COMMD10: variants seen among roughly 807,000 people sequenced by gnomAD.
The protein encoded by COMMD10 is COMM domain-containing protein 10.
A neutral mutation model predicts 28.9 loss-of-function variants in COMMD10; 33 were observed. The observed-to-expected ratio is 1.14, with a 90% CI of 0.87 to 1.53. The LOEUF is 1.53. Ranked by LOEUF, COMMD10 falls within the 40% of genes most tolerant of loss-of-function variation. COMMD10 has a pLI of 0.00. For synonymous variants in COMMD10, 110 were observed against 81.7 expected (o/e 1.35, Z -1.87); for missense variants, 310 against 233.4 (o/e 1.33, Z -2.14).
At chr5:116,113,316 A>C (rs1226078745) in intron 4 of COMMD10, among the ~76,000 whole-genome samples, 1 of 140,600 alleles carries the variant, frequency 7.1e-6, no homozygotes, top group East Asian at 2.0e-4. Context: ...ATTTGCCTGC[A>C]GATCATGGAG....
At chr5:116,245,214 A>G (rs1749910767) in intron 5 of COMMD10, among the ~76,000 whole-genome samples, 1 of 152,142 alleles carries the variant, frequency 6.6e-6, no homozygotes, top group African/African-American at 2.4e-5. Context: ...GATATTATGA[A>G]TACTTCCGTG....
chr5:116,147,632 C>A (rs554984694), intron 5 of COMMD10, among the ~76,000 whole-genome samples: 14 of 151,782 alleles, frequency 9.2e-5, no homozygotes, highest in African/African-American at 3.4e-4. Context: ...ACATGTATTT[C>A]ACAAATGACA....
At chr5:116,139,344 ATAT>A (rs988180315) in intron 5 of COMMD10, among the ~76,000 whole-genome samples, 1 of 148,392 alleles carries the variant, frequency 6.7e-6, no homozygotes, top group African/African-American at 2.5e-5. Context: ...TTATTAACAA[ATAT>A]TATTGTAAGG....
intron 4 of COMMD10, among the ~76,000 whole-genome samples, chr5:116,100,025 C>T (rs140241321): frequency 7.9e-5 from 12 of 152,138 alleles, no homozygotes; most frequent in African/African-American, 2.7e-4. Context: ...TTCAAATACA[C>T]CTTATATACA....
intron 5 of COMMD10, among the ~76,000 whole-genome samples, chr5:116,273,824 T>C (rs975771883): frequency 1.3e-5 from 2 of 151,760 alleles, no homozygotes; most frequent in Non-Finnish European, 1.5e-5. Context: ...CATTAAAATA[T>C]AATACTTGGA....
At chr5:116,148,033 T>G (rs1752400493) in intron 5 of COMMD10, among the ~76,000 whole-genome samples, 1 of 151,806 alleles carries the variant, frequency 6.6e-6, no homozygotes, top group African/African-American at 2.4e-5. Flanking sequence ...TTCTTATTTC[T>G]TTTTTTGGTA....
At chr5:116,206,259 T>G (rs1444936336) in intron 5 of COMMD10, among the ~76,000 whole-genome samples, 1 of 152,196 alleles carries the variant, frequency 6.6e-6, no homozygotes, top group East Asian at 1.9e-4. Context: ...TTCCATTGAG[T>G]AGCCTTAGAG....
At chr5:116,272,495 C>G (rs1750786302) in intron 5 of COMMD10, among the ~76,000 whole-genome samples, 2 of 151,770 alleles carry the variant, frequency 1.3e-5, no homozygotes, top group African/African-American at 4.9e-5. Context: ...TCTTTGGCCT[C>G]CCAGAAAGTC....
intron 5 of COMMD10, among the ~76,000 whole-genome samples, chr5:116,153,469 TGCAGA>T (rs1236492514): frequency 1.3e-5 from 2 of 152,110 alleles, no homozygotes; most frequent in African/African-American, 4.8e-5. Context: ...TCTTGATAGC[TGCAGA>T]GCACACAGTA....
intron 4 of COMMD10, among the ~76,000 whole-genome samples, chr5:116,119,544 C>T (rs73271262): frequency 0.09 from 13,674 of 151,778 alleles, 1,259 homozygotes; most frequent in African/African-American, 0.23. Flanking sequence ...ATATTCACTT[C>T]TGTGTTTTAT....
intron 5 of COMMD10, among the ~76,000 whole-genome samples, chr5:116,188,931 A>G (rs1002824712): frequency 6.6e-6 from 1 of 152,188 alleles, no homozygotes; most frequent in Non-Finnish European, 1.5e-5. Flanking sequence ...CACCCAGCCC[A>G]TATGTTTGTT....
intron 5 of COMMD10, among the ~76,000 whole-genome samples, chr5:116,208,969 A>AT (rs1278324955): frequency 6.6e-6 from 1 of 151,880 alleles, no homozygotes; most frequent in African/African-American, 2.4e-5. Context: ...GTGAATGGTG[A>AT]TTTTCTAAAT....
At chr5:116,258,268 C>T (rs902916867) in intron 5 of COMMD10, among the ~76,000 whole-genome samples, 5 of 151,642 alleles carry the variant, frequency 3.3e-5, no homozygotes, top group East Asian at 1.9e-4. Context: ...TCTATTCCTC[C>T]CCTAGATAAG....
intron 5 of COMMD10, among the ~76,000 whole-genome samples, chr5:116,217,212 C>G (rs1401711914): frequency 5.3e-5 from 8 of 149,782 alleles, no homozygotes; most frequent in African/African-American, 2.0e-4. Context: ...TTTTTCCAAG[C>G]CAAACTGTAT....
At chr5:116,153,702 A>G (rs73780856) in intron 5 of COMMD10, among the ~76,000 whole-genome samples, 3,368 of 152,080 alleles carry the variant, frequency 0.022, 138 homozygotes, top group African/African-American at 0.077. Context: ...CTTTGCTTCT[A>G]TAGTGATTGG....
chr5:116,248,371 T>G (rs1020580115), intron 5 of COMMD10, among the ~76,000 whole-genome samples: 1 of 120,540 alleles, frequency 8.3e-6, no homozygotes, highest in African/African-American at 2.5e-5. Flanking sequence ...AAGTATAATA[T>G]TAAGAGTTAG....
chr5:116,099,257 A>G lies in COMMD10; in HGVS notation c.399+6557A>G, dbSNP rs188315328. 1.3e-3 allele frequency among the ~76,000 whole-genome samples: 194 copies of G among 152,318 alleles called. 2 individuals carry two copies. The highest frequency in any genetic ancestry group is 1.7e-3 in the Non-Finnish European group (117 of 68,022). On this transcript the variant is annotated intron_variant, in intron 4 of 6. Transcript: ENST00000274458. ...CTGTGCCTGGCTTATTTCACTTAGC[A>G]TAACACCCTCCAGGTTCATCCATTT... is the stretch of plus-strand genomic sequence containing the variant.
At chr5:116,187,584 C>T (rs57609580) in intron 5 of COMMD10, among the ~76,000 whole-genome samples, 1 of 151,786 alleles carries the variant, frequency 6.6e-6, no homozygotes, top group Non-Finnish European at 1.5e-5. Flanking sequence ...ATGATCTCTA[C>T]ATTACTTCAT....
At chr5:116,158,533 A>G (rs1198860478) in intron 5 of COMMD10, among the ~76,000 whole-genome samples, 2 of 102,008 alleles carry the variant, frequency 2.0e-5, no homozygotes, top group Non-Finnish European at 4.0e-5. Flanking sequence ...CTGAAGTGCA[A>G]TGGCGTGATC....
Sources: allele counts gnomAD v4.1 joint callset (sites outside exome capture counted in the v4.1 genomes callset), GRCh38; gene constraint gnomAD v4.1.1; transcripts MANE v1.5; gene names NCBI Gene and HGNC (gene_info 2026-07-23, HGNC 2026-07-21).